TC2N: variants seen among roughly 807,000 people sequenced by gnomAD.
TC2N encodes the protein tandem C2 domains, nuclear.
In TC2N, 51 loss-of-function variants were observed where a neutral mutation model predicts 61.9. That is an observed-to-expected ratio of 0.82 (90% CI 0.66 to 1.04). The LOEUF (loss-of-function observed/expected upper bound fraction) is 1.04. Ranked by LOEUF, TC2N falls within the 50% of genes least tolerant of loss-of-function variation. The pLI is 0.00. For synonymous variants in TC2N, 204 were observed against 192.6 expected (o/e 1.06, Z -0.49); for missense variants, 556 against 566.7 (o/e 0.98, Z 0.19).
chr14:91,829,496 T>C (rs957728781), intron 1 of TC2N, among the ~76,000 whole-genome samples: 5 of 152,180 alleles, frequency 3.3e-5, no homozygotes, highest in Non-Finnish European at 5.9e-5. Context: ...GTTTTATTAC[T>C]GCATTTTTCA....
chr14:91,798,012 G>T, intron 7 of TC2N, 111 bp from the exon 8 acceptor site: 1 of 707,266 alleles, frequency 1.4e-6, no homozygotes, highest in African/African-American at 1.8e-5. Flanking sequence ...AAATAAACTT[G>T]TCTACTGAGA....
intron 1 of TC2N, among the ~76,000 whole-genome samples, chr14:91,855,469 A>G (rs1281923135): frequency 6.6e-6 from 1 of 152,128 alleles, no homozygotes; most frequent in African/African-American, 2.4e-5. Context: ...TCAAAACTCC[A>G]ACTCTGCTTC....
chr14:91,831,357 T>A (rs1210694843), intron 1 of TC2N, among the ~76,000 whole-genome samples: 3 of 152,162 alleles, frequency 2.0e-5, no homozygotes, highest in Non-Finnish European at 4.4e-5. Context: ...GTGATTACAG[T>A]AGATATTTAA....
intron 1 of TC2N, among the ~76,000 whole-genome samples, chr14:91,833,625 T>C (rs1297866955): frequency 1.3e-5 from 2 of 152,196 alleles, no homozygotes; most frequent in Non-Finnish European, 2.9e-5. Context: ...TTACTTTCTC[T>C]TTCCCCTACC....
At chr14:91,840,050 C>T (rs985371102) in intron 1 of TC2N, among the ~76,000 whole-genome samples, 2 of 152,220 alleles carry the variant, frequency 1.3e-5, no homozygotes, top group Non-Finnish European at 2.9e-5. Context: ...CTTCACCCCA[C>T]TGTCTCCCTC....
At chr14:91,791,276 A>AT (rs1264779542) in intron 9 of TC2N, among the ~76,000 whole-genome samples, 8 of 151,270 alleles carry the variant, frequency 5.3e-5, no homozygotes, top group Non-Finnish European at 7.4e-5. Flanking sequence ...CAAAATTCTA[A>AT]TTTTTTTTAG....
At chr14:91,826,031 T>G (rs374149647) in intron 1 of TC2N, among the ~76,000 whole-genome samples, 2 of 152,154 alleles carry the variant, frequency 1.3e-5, no homozygotes, top group African/African-American at 4.8e-5. Context: ...ATCTTCTGTA[T>G]CTTGGCAGGG....
Position 91,782,588 on chromosome 14 carries a change from A to G in TC2N, c.*512T>C, listed in dbSNP as rs2139815545. ...CAGGGCACAAACTTTCTCCAAATAT[A>G]GAAAATAGTTGAAATGGTTCAATTC... On this transcript the variant is annotated 3_prime_UTR_variant, in exon 12 of 12. Coordinates refer to ENST00000435962, the MANE Select transcript of TC2N (RefSeq NM_001128596.3). The G allele has an allele frequency of 6.6e-6, 1 of 152,242 alleles. No homozygotes were observed. Among genetic ancestry groups the G allele is most frequent in the African/African-American group, 2.4e-5 (1 of 41,584 alleles). The allele number at this position is 152,242 out of a possible 1,614,324, so 9.4% of individuals were successfully genotyped here.
intron 8 of TC2N, 27 bp downstream of exon 8, chr14:91,797,758 G>T: frequency 4.7e-6 from 6 of 1,277,816 alleles, no homozygotes; most frequent in Non-Finnish European, 6.7e-6. Flanking sequence ...AAACAGAAAA[G>T]AAATTCAAAT....
Position 91,799,071 on chromosome 14 carries a change from A to G in TC2N, c.562-7T>C. The G allele has an allele frequency of 6.4e-7, 1 of 1,558,890 alleles. No homozygotes were observed. Among genetic ancestry groups the G allele is most frequent in the Non-Finnish European group, 8.7e-7 (1 of 1,153,578 alleles). ...TGGACAATGAATCATGTCTCTATAAATAAAATTATTCTTTAGTCAGAAATT... is the reference window on the plus strand; with the variant it reads ...TGGACAATGAATCATGTCTCTATAAGTAAAATTATTCTTTAGTCAGAAATT... On this transcript the variant is annotated splice_region_variant and splice_polypyrimidine_tract_variant and intron_variant, in intron 5 of 11. Transcript: ENST00000435962.
intron 1 of TC2N, among the ~76,000 whole-genome samples, chr14:91,823,994 A>G (rs898148078): frequency 6.6e-6 from 1 of 152,230 alleles, no homozygotes; most frequent in Non-Finnish European, 1.5e-5. Context: ...TGTTTTAAGA[A>G]TAAATGTTTG....
chr14:91,813,743 G>A lies in TC2N; in HGVS notation c.27C>T (p.Cys9=), dbSNP rs1212886456. Residue 9 remains cysteine, a synonymous_variant, in exon 2 of 12, where the codon TGC becomes TGT. Coordinates refer to ENST00000435962, the MANE Select transcript of TC2N (RefSeq NM_001128596.3). MATEFIKS[C]CGGCFYGETE... is the part of the protein sequence containing the mutation. ...TTTCACCATAGAAACATCCTCCACA[G>A]CAACTCTTTATAAATTCTGTTGCCA... 1.2e-6 allele frequency: 2 copies of A among 1,609,152 alleles called. No homozygotes were observed. The highest frequency in any genetic ancestry group is 3.4e-5 in the Admixed American group (2 of 59,690).
At chr14:91,854,867 G>A (rs1888452081) in intron 1 of TC2N, among the ~76,000 whole-genome samples, 1 of 152,154 alleles carries the variant, frequency 6.6e-6, no homozygotes, top group East Asian at 1.9e-4. Flanking sequence ...AAATAGAGAA[G>A]GAGCCAGTCC....
intron 4 of TC2N, among the ~76,000 whole-genome samples, chr14:91,800,718 TTAA>T (rs1283493528): frequency 1.3e-5 from 2 of 152,182 alleles, no homozygotes; most frequent in Middle Eastern, 3.4e-3. Context: ...CTATTTATTA[TTAA>T]TAAGCATGTA....
At chr14:91,854,910 CT>C (rs1206535817) in intron 1 of TC2N, among the ~76,000 whole-genome samples, 1 of 152,194 alleles carries the variant, frequency 6.6e-6, no homozygotes, top group African/African-American at 2.4e-5. Context: ...GCTTTTTAAA[CT>C]CACCTCTCCC....
intron 1 of TC2N, among the ~76,000 whole-genome samples, chr14:91,862,339 C>CAAAAAAAAAAAAAAA (rs56816512): frequency 5.6e-5 from 6 of 106,442 alleles, no homozygotes; most frequent in African/African-American, 2.0e-4. Context: ...GACTCTGTCT[C>CAAAAAAAAAAAAAAA]AAAAAAAAAA....
chr14:91,815,447 G>A (rs2896187), intron 1 of TC2N, among the ~76,000 whole-genome samples: 130,464 of 151,498 alleles, frequency 0.86, 58,376 homozygotes, highest in Non-Finnish European at 0.97. Flanking sequence ...ATAAGATATA[G>A]AGCAAATAAA....
At chr14:91,814,629 A>G (rs1281231690) in intron 1 of TC2N, among the ~76,000 whole-genome samples, 2 of 151,630 alleles carry the variant, frequency 1.3e-5, no homozygotes, top group Non-Finnish European at 3.0e-5. Flanking sequence ...AAAAGAAAAA[A>G]CATTCAAAGA....
intron 1 of TC2N, among the ~76,000 whole-genome samples, chr14:91,833,458 A>T (rs1451461714): frequency 6.6e-6 from 1 of 152,174 alleles, no homozygotes; most frequent in Non-Finnish European, 1.5e-5. Flanking sequence ...ATTTACCTAC[A>T]GTAAATTTCA....
Sources: gnomAD v4.1 joint callset for allele counts (sites outside exome capture counted in the v4.1 genomes callset) on GRCh38, gnomAD v4.1.1 for gene constraint, MANE v1.5 for transcripts, NCBI Gene and HGNC (gene_info 2026-07-23, HGNC 2026-07-21) for gene names.